The following BCL7C variants were observed in gnomAD, a reference collection of about 807,000 sequenced individuals.
BCL7C encodes the protein B-cell CLL/lymphoma 7 protein family member C.
In BCL7C, 8 loss-of-function variants were observed where a neutral mutation model predicts 26.2. The ratio of observed to expected loss-of-function variants is 0.30; its 90% confidence interval spans 0.18 to 0.55. BCL7C has a LOEUF of 0.55. Ranked by LOEUF, BCL7C falls within the 20% of genes least tolerant of loss-of-function variation. The probability of loss-of-function intolerance (pLI) is 0.93; values close to 1 mark genes in which losing one functional copy is unlikely to be tolerated. For synonymous variants in BCL7C, 90 were observed against 116.5 expected (o/e 0.77, Z 1.47); for missense variants, 262 against 298.5 (o/e 0.88, Z 0.90).
intron 5 of BCL7C, among the ~76,000 whole-genome samples, chr16:30,879,700 A>AAAAAAAAAAAAAAC (rs758573108): frequency 0.022 from 3,030 of 134,840 alleles, 458 homozygotes; most frequent in Non-Finnish European, 0.042. Flanking sequence ...AAAAAAAAAA[A>AAAAAAAAAAAAAAC]AAAAAAAAAC....
At chr16:30,850,783 G>A (rs2054668220) in intron 5 of BCL7C, among the ~76,000 whole-genome samples, 1 of 152,190 alleles carries the variant, frequency 6.6e-6, no homozygotes, top group Admixed American at 6.5e-5. Context: ...AGATGAGTTA[G>A]TAAGTCAGTA....
In BCL7C at chr16:30,861,614, C is replaced by T. The variant is rs142416850; in HGVS notation, c.529-26466G>A. Among the ~76,000 whole-genome samples, 25 of 152,292 alleles carry T rather than the reference C, an allele frequency of 1.6e-4. No homozygotes were observed. In the East Asian group the frequency reaches 4.2e-3, roughly 26 times the overall value. ...TGACTGACTCCTTCCCAGATCTTCCCGGCTTAGTGGCTGAAGACTGATGCT... is the reference window on the plus strand; with the variant it reads ...TGACTGACTCCTTCCCAGATCTTCCTGGCTTAGTGGCTGAAGACTGATGCT... On this transcript the variant is annotated intron_variant, in intron 5 of 5. Transcript: ENST00000380317.
At chr16:30,892,563 T>C (rs2143186660) in intron 4 of BCL7C, 23 bp downstream of exon 4, 1 of 1,533,848 alleles carries the variant, frequency 6.5e-7, no homozygotes, top group East Asian at 2.3e-5. Flanking sequence ...AGGAGAGAGC[T>C]CCTGGGAGGT....
intron 5 of BCL7C, among the ~76,000 whole-genome samples, chr16:30,842,770 G>A (rs764003489): frequency 6.6e-6 from 1 of 151,976 alleles, no homozygotes; most frequent in East Asian, 1.9e-4. Flanking sequence ...GGGTATCACC[G>A]TGTCAGCCAG....
chr16:30,858,093 C>T (rs2151369732), intron 5 of BCL7C, among the ~76,000 whole-genome samples: 1 of 152,044 alleles, frequency 6.6e-6, no homozygotes, highest in Middle Eastern at 3.4e-3. Context: ...CCAGTGTTCT[C>T]ATTGCTTTTA....
At chr16:30,846,036 C>G (rs2054632487) in intron 5 of BCL7C, among the ~76,000 whole-genome samples, 1 of 146,794 alleles carries the variant, frequency 6.8e-6, no homozygotes, top group South Asian at 2.2e-4. Context: ...ACCCGGGAGG[C>G]AGAGGTTGTA....
intron 5 of BCL7C, among the ~76,000 whole-genome samples, chr16:30,888,411 A>G (rs964048421): frequency 6.6e-6 from 1 of 152,160 alleles, no homozygotes; most frequent in Non-Finnish European, 1.5e-5. Flanking sequence ...ATCCTGGCTC[A>G]CTGCAGCCTC....
At chr16:30,885,764 A>G (rs2055123543), downstream of BCL7C, among the ~76,000 whole-genome samples, 1 of 152,174 alleles carries the variant, frequency 6.6e-6, no homozygotes, top group South Asian at 2.1e-4. Context: ...GATAAGAAAC[A>G]GTTACACTAC....
chr16:30,873,950 T>C (rs1174837742), intron 5 of BCL7C, among the ~76,000 whole-genome samples: 2 of 13,254 alleles, frequency 1.5e-4, no homozygotes, highest in African/African-American at 4.4e-4. Context: ...TATAGATATA[T>C]GTATACACAC....
At chr16:30,865,172 CA>C (rs529882511) in intron 5 of BCL7C, among the ~76,000 whole-genome samples, 1,380 of 40,844 alleles carry the variant, frequency 0.034, 33 homozygotes, top group East Asian at 0.25. Context: ...ACCTCCAACT[CA>C]AAAAAAAAAA....
intron 5 of BCL7C, among the ~76,000 whole-genome samples, chr16:30,852,681 G>C (rs147991176): frequency 6.6e-6 from 1 of 151,646 alleles, no homozygotes; most frequent in Non-Finnish European, 1.5e-5. Flanking sequence ...TAGTAGAGAC[G>C]GGGTTTCACC....
chr16:30,875,664 A>C (rs2054940019), intron 5 of BCL7C: 1 of 152,232 alleles, frequency 6.6e-6, no homozygotes, highest in African/African-American at 2.4e-5. Flanking sequence ...GGGCCGCGGC[A>C]CAGGACAGCA....
chr16:30,883,626 C>A (rs2143109532), downstream of BCL7C, among the ~76,000 whole-genome samples: 1 of 134,406 alleles, frequency 7.4e-6, no homozygotes. Context: ...AAGTGATTCT[C>A]CTGTCTCAAC....
chr16:30,846,781 C>A (rs750210670), intron 5 of BCL7C, among the ~76,000 whole-genome samples: 15 of 152,178 alleles, frequency 9.9e-5, no homozygotes, highest in Non-Finnish European at 8.8e-5. Flanking sequence ...TTTAATCACA[C>A]CCTGGGCTTG....
At chr16:30,848,670 G>T (rs141752944) in intron 5 of BCL7C, among the ~76,000 whole-genome samples, 1 of 151,174 alleles carries the variant, frequency 6.6e-6, no homozygotes, top group African/African-American at 2.4e-5. Flanking sequence ...CCAGCAGATC[G>T]CCTGAGGTCA....
intron 5 of BCL7C, among the ~76,000 whole-genome samples, chr16:30,857,933 TGCATTC>T (rs2054737126): frequency 6.7e-6 from 1 of 148,560 alleles, no homozygotes; most frequent in African/African-American, 2.5e-5. Flanking sequence ...ATTGTGCCAT[TGCATTC>T]CAGCCTGAGT....
intron 5 of BCL7C, among the ~76,000 whole-genome samples, chr16:30,850,313 T>C (rs1482778656): frequency 6.6e-6 from 1 of 152,140 alleles, no homozygotes; most frequent in East Asian, 1.9e-4. Flanking sequence ...ACATCTCTTA[T>C]AGTTACTTTT....
At chr16:30,859,053 G>A (rs547859660) in intron 5 of BCL7C, among the ~76,000 whole-genome samples, 32 of 152,292 alleles carry the variant, frequency 2.1e-4, no homozygotes, top group Admixed American at 1.4e-3. Context: ...ACCAACCAGT[G>A]TAATTGCCTG....
At chr16:30,880,050 C>T (rs774866447) in intron 5 of BCL7C, among the ~76,000 whole-genome samples, 2 of 151,672 alleles carry the variant, frequency 1.3e-5, no homozygotes, top group African/African-American at 4.9e-5. Context: ...CCCAGCTACT[C>T]GGGAAGCTTA....
Sources: gnomAD v4.1 joint callset for allele counts (sites outside exome capture counted in the v4.1 genomes callset) on GRCh38, gnomAD v4.1.1 for gene constraint, MANE v1.5 for transcripts, NCBI Gene and HGNC (gene_info 2026-07-23, HGNC 2026-07-21) for gene names.